The following TINAG variants were observed in gnomAD, a reference collection of about 807,000 sequenced individuals.
TINAG encodes tubulointerstitial nephritis antigen.
In TINAG, 83 loss-of-function variants were observed where a neutral mutation model predicts 72.7. The observed-to-expected ratio is 1.14, with a 90% CI of 0.96 to 1.37. The LOEUF is 1.37. Ranked by LOEUF, TINAG falls within the 40% of genes most tolerant of loss-of-function variation. The probability of loss-of-function intolerance (pLI) is 0.00; values close to 1 mark genes in which losing one functional copy is unlikely to be tolerated. For missense variants in TINAG, 685 were observed against 576.6 expected, an observed-to-expected ratio of 1.19 and a Z score of -1.93; for synonymous variants, 234 against 189.9, an observed-to-expected ratio of 1.23 and a Z score of -1.91.
At chr6:54,358,534 CAAA>C (rs34091915) in intron 9 of TINAG, among the ~76,000 whole-genome samples, 34 of 112,916 alleles carry the variant, frequency 3.0e-4, no homozygotes, top group African/African-American at 3.1e-4. Flanking sequence ...AGTTATTCGT[CAAA>C]AAAAAAAAAA....
At chr6:54,310,706 CTT>C (rs1266410302) in intron 1 of TINAG, among the ~76,000 whole-genome samples, 1 of 122,362 alleles carries the variant, frequency 8.2e-6, no homozygotes, top group African/African-American at 3.0e-5. Context: ...TTCTCTCTCT[CTT>C]TCTCTCCCTC....
chr6:54,378,756 T>C (rs1582760053), intron 9 of TINAG, among the ~76,000 whole-genome samples: 4 of 152,100 alleles, frequency 2.6e-5, no homozygotes, highest in Non-Finnish European at 5.9e-5. Flanking sequence ...CCATGCACCA[T>C]CCTCAATGCA....
chr6:54,374,569 T>C (rs1398262419), intron 9 of TINAG, among the ~76,000 whole-genome samples: 2 of 152,116 alleles, frequency 1.3e-5, no homozygotes, highest in Non-Finnish European at 2.9e-5. Context: ...AGGTAGAACA[T>C]GTATAAGAAA....
chr6:54,388,434 G>T (rs1401772070), intron 10 of TINAG, among the ~76,000 whole-genome samples: 3 of 152,138 alleles, frequency 2.0e-5, no homozygotes, highest in Non-Finnish European at 2.9e-5. Context: ...ATAAAAATTG[G>T]CTATTTCTTA....
chr6:54,319,084 C>T (rs1395062609), intron 1 of TINAG, among the ~76,000 whole-genome samples: 1 of 151,880 alleles, frequency 6.6e-6, no homozygotes, highest in Admixed American at 6.6e-5. Context: ...GGTCTTTTTC[C>T]TTAAGGACCC....
At chr6:54,307,970 G>T, upstream of TINAG, 1 of 1,437,162 alleles carries the variant, frequency 7.0e-7, no homozygotes, top group South Asian at 1.2e-5. Context: ...GCTTCTGGTA[G>T]GTAAATGGAG....
rs772272827 is a variant in TINAG, at chr6:54,349,779, C to T, written c.963C>T (p.Ala321=). Residue 321 remains alanine (A), a synonymous_variant, in exon 7 of 11, where the codon GCC becomes GCT. Transcript: ENST00000259782. ...KDQNATNNGC[A]MASRSDGRGK... Reference sequence around the variant, plus strand: ...AAAATGCTACCAACAATGGATGTGCCATGGCAAGCAGGTCTGATGGGCGAG... The same window carrying T: ...AAAATGCTACCAACAATGGATGTGCTATGGCAAGCAGGTCTGATGGGCGAG... 2 of 1,606,000 alleles carry T rather than the reference C, an allele frequency of 1.2e-6. No homozygotes were observed. The highest frequency in any genetic ancestry group is 1.7e-6 in the Non-Finnish European group (2 of 1,175,088).
chr6:54,372,184 G>T (rs984346529), intron 9 of TINAG, among the ~76,000 whole-genome samples: 2 of 151,698 alleles, frequency 1.3e-5, no homozygotes, highest in South Asian at 4.2e-4. Flanking sequence ...TAGAGACGGG[G>T]TTTCACCATG....
At chr6:54,322,509 T>TA (rs1481918195) in intron 3 of TINAG, among the ~76,000 whole-genome samples, 1 of 152,154 alleles carries the variant, frequency 6.6e-6, no homozygotes, top group Admixed American at 6.5e-5. Flanking sequence ...AGATTTCACA[T>TA]AAAAAGATCT....
intron 4 of TINAG, among the ~76,000 whole-genome samples, chr6:54,332,538 C>T (rs1784765414): frequency 6.6e-6 from 1 of 152,082 alleles, no homozygotes; most frequent in Non-Finnish European, 1.5e-5. Context: ...TAGGCAATAC[C>T]ATTCAGGACA....
rs761069047 is a variant in TINAG, at chr6:54,308,772, C to T, written c.222C>T (p.Phe74=). 8.1e-6 allele frequency: 13 copies of T among 1,613,750 alleles called. No homozygotes were observed. In the African/African-American group the frequency reaches 1.7e-4, roughly 22 times the overall value. Residue 74 remains phenylalanine, a synonymous_variant, in exon 1 of 11, where the codon TTC becomes TTT. Transcript: ENST00000259782. The part of the protein sequence containing the change: ...EDRDDGCVTE[F]YAANALCYCD... ...GAGATGATGGCTGTGTCACTGAGTT[C>T]TATGCGGCGAATGCGTTGTGCTACT... is the stretch of plus-strand genomic sequence containing the variant.
At chr6:54,377,317 A>T (rs1426057859) in intron 9 of TINAG, among the ~76,000 whole-genome samples, 1 of 151,808 alleles carries the variant, frequency 6.6e-6, no homozygotes, top group East Asian at 1.9e-4. Flanking sequence ...TTCAAGACCA[A>T]CCTGGCCAAC....
chr6:54,341,559 T>TCC (rs141525250), intron 4 of TINAG, among the ~76,000 whole-genome samples: 1 of 151,942 alleles, frequency 6.6e-6, no homozygotes, highest in Non-Finnish European at 1.5e-5. Flanking sequence ...AAAACTGAAC[T>TCC]CCCCTATTAA....
At chr6:54,371,981 G>GTT (rs576340253) in intron 9 of TINAG, among the ~76,000 whole-genome samples, 15,272 of 71,388 alleles carry the variant, frequency 0.21, 4,851 homozygotes, top group Non-Finnish European at 0.31. Context: ...TTCAAGTCAT[G>GTT]TTTTTTTTTT....
chr6:54,372,613 G>A (rs891340447), intron 9 of TINAG, among the ~76,000 whole-genome samples: 5 of 151,526 alleles, frequency 3.3e-5, no homozygotes, highest in Non-Finnish European at 5.9e-5. Flanking sequence ...GAAAAAGAGA[G>A]CACTTGCTGG....
chr6:54,333,664 A>C lies in TINAG; in HGVS notation c.624+6748A>C, dbSNP rs1035582843. Among the ~76,000 whole-genome samples, 3 of 152,146 alleles carry C rather than the reference A, an allele frequency of 2.0e-5. No individual in the cohort carries two copies. The East Asian group carries it at 5.8e-4, about 29-fold the overall frequency. On this transcript the variant is annotated intron_variant, in intron 4 of 10. Transcript: ENST00000259782. ...AATAAAATTGATAATCCAGAAAAAGAATAATTGAGTGTTTATTTACATTGA... is the reference window on the plus strand; with the variant it reads ...AATAAAATTGATAATCCAGAAAAAGCATAATTGAGTGTTTATTTACATTGA...
intron 9 of TINAG, among the ~76,000 whole-genome samples, chr6:54,378,406 T>C (rs1397275636): frequency 2.0e-5 from 3 of 152,124 alleles, no homozygotes; most frequent in African/African-American, 7.2e-5. Flanking sequence ...ATGACTGGTG[T>C]TTTAAATGAG....
intron 3 of TINAG, among the ~76,000 whole-genome samples, chr6:54,323,076 C>T (rs1262989070): frequency 6.6e-6 from 1 of 152,154 alleles, no homozygotes; most frequent in African/African-American, 2.4e-5. Flanking sequence ...ACTTTTGCAC[C>T]AACCTAATAT....
chr6:54,322,180 T>C lies in TINAG; in HGVS notation c.509+794T>C, dbSNP rs561860023. 1.2e-4 allele frequency among the ~76,000 whole-genome samples: 19 copies of C among 152,062 alleles called. No homozygotes were observed. The East Asian group carries it at 3.7e-3, about 29-fold the overall frequency. On this transcript the variant is annotated intron_variant, in intron 3 of 10. Transcript: ENST00000259782. ...AAAATTAGCTGGGCATGGTGGTGCA[T>C]GCCGATAATCCCAGGTACTCAGGAG... is the stretch of plus-strand genomic sequence containing the variant.
Sources: gnomAD v4.1 joint callset for allele counts (sites outside exome capture counted in the v4.1 genomes callset) on GRCh38, gnomAD v4.1.1 for gene constraint, MANE v1.5 for transcripts, NCBI Gene and HGNC (gene_info 2026-07-23, HGNC 2026-07-21) for gene names.